Variants in ARHGAP26 observed in about 807,000 individuals in gnomAD.
ARHGAP26 encodes Rho GTPase activating protein 26.
ARHGAP26 carries 38 observed loss-of-function variants against 104.8 expected under a neutral mutation model. The ratio of observed to expected loss-of-function variants is 0.36; its 90% CI spans 0.28 to 0.48. ARHGAP26 has a LOEUF of 0.48. ARHGAP26 is among the 20% of genes least tolerant of loss of function. The probability of loss-of-function intolerance (pLI) is 0.99; values close to 1 mark genes in which losing one functional copy is unlikely to be tolerated. For missense variants in ARHGAP26, 704 were observed against 947.9 expected, an observed-to-expected ratio of 0.74 and a Z score of 3.38; for synonymous variants, 341 against 340.0, an observed-to-expected ratio of 1.00 and a Z score of -0.03.
At chr5:143,086,507 G>A (rs1790610426) in intron 17 of ARHGAP26, among the ~76,000 whole-genome samples, 1 of 152,166 alleles carries the variant, frequency 6.6e-6, no homozygotes, top group Non-Finnish European at 1.5e-5. Context: ...AGTTTTGCCA[G>A]CATACTTGTT....
chr5:142,916,447 G>A (rs955251681), intron 10 of ARHGAP26, among the ~76,000 whole-genome samples: 1 of 152,170 alleles, frequency 6.6e-6, no homozygotes, highest in Non-Finnish European at 1.5e-5. Context: ...CACCCACACA[G>A]TTCGACTTTC....
At chr5:142,973,488 A>C (rs1160661980) in intron 11 of ARHGAP26, among the ~76,000 whole-genome samples, 1 of 152,232 alleles carries the variant, frequency 6.6e-6, no homozygotes, top group Non-Finnish European at 1.5e-5. Context: ...AATCGTTGAA[A>C]TGTTCGGGGA....
At chr5:143,096,140 A>C (rs1326308156) in intron 17 of ARHGAP26, among the ~76,000 whole-genome samples, 1 of 152,208 alleles carries the variant, frequency 6.6e-6, no homozygotes, top group Non-Finnish European at 1.5e-5. Context: ...TCTTTTACTT[A>C]TGCATGATTT....
At chr5:142,858,096 A>G (rs12513442) in intron 1 of ARHGAP26, among the ~76,000 whole-genome samples, 2 of 107,402 alleles carry the variant, frequency 1.9e-5, no homozygotes, top group East Asian at 4.2e-4. Flanking sequence ...TGTGTGTGTG[A>G]GAGAGAGAGA....
At position 142,786,627 on chromosome 5, in the gene ARHGAP26, C is replaced by T. The variant is rs545948132; in HGVS notation, c.154+15712C>T. Reference sequence around the variant, plus strand: ...CAAAGCCTTTGGTAAATGGAAATGACGTGAAACAGATTTCTGGAGTTCTAG... The same window carrying T: ...CAAAGCCTTTGGTAAATGGAAATGATGTGAAACAGATTTCTGGAGTTCTAG... On this transcript the variant is annotated intron_variant, in intron 1 of 22. Transcript: ENST00000645722. 1.0e-4 allele frequency among the ~76,000 whole-genome samples: 15 copies of T among 149,238 alleles called. No individual in the cohort carries two copies. The South Asian group carries it at 1.1e-3, about 11-fold the overall frequency.
chr5:143,098,342 A>AT (rs1275708782), intron 17 of ARHGAP26, among the ~76,000 whole-genome samples: 1 of 152,110 alleles, frequency 6.6e-6, no homozygotes, highest in African/African-American at 2.4e-5. Context: ...AACGTAGGTG[A>AT]TTTTTTTAAT....
At position 143,223,015 on chromosome 5, in the gene ARHGAP26, A is replaced by G. The variant is rs1265004394; in HGVS notation, c.*569A>G. On this transcript the variant is annotated 3_prime_UTR_variant, in exon 23 of 23. Transcript: ENST00000645722. ...TTTATATAAGATCCAATCTCTCACC[A>G]TCTCTAAAGCAGCCGTTGGCCTGTC... 2.1e-5 allele frequency: 5 copies of G among 233,096 alleles called. No individual in the cohort carries two copies. Among genetic ancestry groups the G allele is most frequent in the African/African-American group, 6.6e-5 (3 of 45,292 alleles). The allele number at this position is 233,096 out of a possible 1,614,324, so 14.4% of individuals were successfully genotyped here.
At chr5:142,836,136 T>G (rs1486548290) in intron 1 of ARHGAP26, among the ~76,000 whole-genome samples, 2 of 152,078 alleles carry the variant, frequency 1.3e-5, no homozygotes, top group African/African-American at 4.8e-5. Context: ...TCAACCCACT[T>G]CCCTCCTCTA....
At chr5:142,987,810 G>A (rs1190924466) in intron 11 of ARHGAP26, among the ~76,000 whole-genome samples, 1 of 152,176 alleles carries the variant, frequency 6.6e-6, no homozygotes, top group Non-Finnish European at 1.5e-5. Flanking sequence ...ATTGATTTGT[G>A]TGTATTGAAC....
intron 11 of ARHGAP26, among the ~76,000 whole-genome samples, chr5:142,952,338 TG>T (rs1768528224): frequency 6.6e-6 from 1 of 152,216 alleles, no homozygotes; most frequent in African/African-American, 2.4e-5. Context: ...CAGTGAAAGA[TG>T]CCTCTAACTG....
chr5:143,137,688 T>A (rs1798051842), intron 19 of ARHGAP26, among the ~76,000 whole-genome samples: 1 of 152,274 alleles, frequency 6.6e-6, no homozygotes, highest in South Asian at 2.1e-4. Context: ...CACTTGCAAG[T>A]TAATGTTTAT....
At chr5:143,149,130 G>A (rs1405190082) in intron 20 of ARHGAP26, among the ~76,000 whole-genome samples, 1 of 152,060 alleles carries the variant, frequency 6.6e-6, no homozygotes, top group Non-Finnish European at 1.5e-5. Context: ...CCTGGGAATC[G>A]CTCTGCCCAC....
At chr5:142,887,036 T>A (rs1262854799) in intron 5 of ARHGAP26, among the ~76,000 whole-genome samples, 3 of 152,236 alleles carry the variant, frequency 2.0e-5, no homozygotes, top group Admixed American at 6.5e-5. Context: ...ATTCAGAGTA[T>A]TCAGAGTTGA....
At chr5:143,118,944 A>G (rs79138482) in intron 17 of ARHGAP26, among the ~76,000 whole-genome samples, 1 of 111,886 alleles carries the variant, frequency 8.9e-6, no homozygotes, top group African/African-American at 4.6e-5. Flanking sequence ...GTATAATAAT[A>G]AAAAAAAAAA....
At chr5:143,202,738 A>G (rs1343313090) in intron 20 of ARHGAP26, 1 of 152,238 alleles carries the variant, frequency 6.6e-6, no homozygotes, top group Non-Finnish European at 1.5e-5. Context: ...ATATAGATCA[A>G]TGGAACAGAA....
intron 20 of ARHGAP26, among the ~76,000 whole-genome samples, chr5:143,197,211 C>T (rs1204290227): frequency 6.6e-6 from 1 of 152,196 alleles, no homozygotes; most frequent in East Asian, 1.9e-4. Flanking sequence ...ACATAACACA[C>T]CTTTCTCTGG....
intron 11 of ARHGAP26, among the ~76,000 whole-genome samples, chr5:142,937,470 G>C (rs1765593058): frequency 6.6e-6 from 1 of 152,240 alleles, no homozygotes; most frequent in Non-Finnish European, 1.5e-5. Flanking sequence ...AAACAGCCAT[G>C]CTGGCAAGTC....
At chr5:143,153,833 C>T (rs928771979) in intron 20 of ARHGAP26, among the ~76,000 whole-genome samples, 9 of 152,202 alleles carry the variant, frequency 5.9e-5, no homozygotes, top group East Asian at 1.9e-4. Context: ...ACCTAAAAGA[C>T]GCACGCATGC....
At chr5:143,074,950 T>A (rs1788779245) in intron 17 of ARHGAP26, among the ~76,000 whole-genome samples, 1 of 152,158 alleles carries the variant, frequency 6.6e-6, no homozygotes. Context: ...TGAACTACAC[T>A]CCAGCTCTGT....
Sources: gnomAD v4.1 joint callset for allele counts (sites outside exome capture counted in the v4.1 genomes callset) on GRCh38, gnomAD v4.1.1 for gene constraint, MANE v1.5 for transcripts, NCBI Gene and HGNC (gene_info 2026-07-23, HGNC 2026-07-21) for gene names.